CRTAC1: variants seen among roughly 807,000 people sequenced by gnomAD.
CRTAC1 encodes cartilage acidic protein 1.
CRTAC1 carries 37 observed loss-of-function variants against 67.8 expected under a neutral mutation model. That is an observed-to-expected ratio of 0.55 (90% CI 0.42 to 0.72). The LOEUF (loss-of-function observed/expected upper bound fraction) is 0.72. CRTAC1 is among the 30% of genes least tolerant of loss of function. The pLI is 0.00. For synonymous variants in CRTAC1, 348 were observed against 371.0 expected (o/e 0.94, Z 0.71); for missense variants, 780 against 931.6 (o/e 0.84, Z 2.12).
chr10:97,947,835 T>C (rs923351802), intron 2 of CRTAC1, among the ~76,000 whole-genome samples: 4 of 152,138 alleles, frequency 2.6e-5, no homozygotes, highest in African/African-American at 9.7e-5. Context: ...GGAGGATCGC[T>C]TGAGACTAGG....
At chr10:97,970,774 G>A (rs891097168) in intron 2 of CRTAC1, among the ~76,000 whole-genome samples, 2 of 152,206 alleles carry the variant, frequency 1.3e-5, no homozygotes, top group Non-Finnish European at 2.9e-5. Flanking sequence ...TTTGTCTGAT[G>A]GTTTGCAGCA....
At chr10:97,897,050 G>A in intron 8 of CRTAC1, 59 bp from the exon 9 acceptor site, 1 of 1,273,346 alleles carries the variant, frequency 7.9e-7, no homozygotes, top group Non-Finnish European at 1.1e-6. Context: ...GGACCAGAAG[G>A]CCCACCTGCT....
At chr10:97,871,726 T>C (rs2050095131) in intron 14 of CRTAC1, 1 of 152,086 alleles carries the variant, frequency 6.6e-6, no homozygotes, top group African/African-American at 2.4e-5. Context: ...TGACTCCAGA[T>C]CCCACTCTCA....
intron 2 of CRTAC1, among the ~76,000 whole-genome samples, chr10:97,958,377 T>G (rs1411555926): frequency 1.3e-5 from 2 of 152,212 alleles, no homozygotes; most frequent in Non-Finnish European, 2.9e-5. Context: ...ATGTTAGAAA[T>G]TAGTCATCCT....
chr10:97,878,023 A>G (rs2050167041), intron 14 of CRTAC1, among the ~76,000 whole-genome samples: 1 of 152,234 alleles, frequency 6.6e-6, no homozygotes, highest in Admixed American at 6.5e-5. Context: ...TCACTATCTT[A>G]GATCCACTTT....
chr10:97,982,143 T>A (rs923674236), intron 2 of CRTAC1, among the ~76,000 whole-genome samples: 1 of 152,190 alleles, frequency 6.6e-6, no homozygotes, highest in African/African-American at 2.4e-5. Flanking sequence ...TTATCTGATT[T>A]CATAAAAGCT....
At position 97,884,437 on chromosome 10, in the gene CRTAC1, T is replaced by C. The variant is rs564352298; in HGVS notation, c.1487-86A>G. The C allele has an allele frequency of 2.8e-3, 3,497 of 1,257,632 alleles. 4 individuals are homozygous for C. Among genetic ancestry groups the C allele is most frequent in the Non-Finnish European group, 3.7e-3 (3,313 of 898,670 alleles). The allele number at this position is 1,257,632 out of a possible 1,614,324, so 77.9% of individuals were successfully genotyped here. On this transcript the variant is annotated intron_variant, in intron 11 of 14. Coordinates refer to ENST00000370597, the MANE Select transcript of CRTAC1 (RefSeq NM_018058.7). The stretch of plus-strand genomic sequence containing the variant: ...CATCAGCATCAACTAATTCATCCAT[T>C]GAATAAAAGCATGAATTGAGCACTG...
intron 2 of CRTAC1, among the ~76,000 whole-genome samples, chr10:97,938,253 C>G (rs2051120696): frequency 6.6e-6 from 1 of 152,178 alleles, no homozygotes; most frequent in Admixed American, 6.5e-5. Context: ...GGTTCCAGCA[C>G]TGTCAGCAGC....
intron 1 of CRTAC1, among the ~76,000 whole-genome samples, chr10:98,024,081 A>C (rs2136708352): frequency 6.6e-6 from 1 of 152,338 alleles, no homozygotes; most frequent in Non-Finnish European, 1.5e-5. Context: ...GGAATGCCAA[A>C]GCAGGAATCT....
intron 2 of CRTAC1, among the ~76,000 whole-genome samples, chr10:97,941,683 A>G (rs1485953942): frequency 1.3e-5 from 2 of 152,076 alleles, no homozygotes; most frequent in Non-Finnish European, 2.9e-5. Flanking sequence ...ACCTCCAAAA[A>G]TGTTTCACAA....
rs746292391 is a variant in CRTAC1 at position 97,884,316 on chromosome 10, G to T, written c.1522C>A (p.Pro508Thr). 2 of 1,552,374 alleles carry T rather than the reference G, an allele frequency of 1.3e-6. No homozygotes were observed. Among genetic ancestry groups the T allele is most frequent in the Middle Eastern group, 1.8e-4 (1 of 5,532 alleles). The change falls in exon 12 of 15, where the codon CCA (proline) becomes ACA (threonine). Residue 508 changes from proline to threonine, a missense_variant. Physicochemically the swap from Pro to Thr is conservative, Grantham distance 38. Coordinates refer to ENST00000370597, the MANE Select transcript of CRTAC1 (RefSeq NM_018058.7). ...DEASSVEVTW[P>T]DGKMVSRNVA... ...TTCCGGCTCACCATCTTGCCATCTGGCCACGTCACCTCCACACTGCTGGCT... is the reference window on the plus strand; with the variant it reads ...TTCCGGCTCACCATCTTGCCATCTGTCCACGTCACCTCCACACTGCTGGCT...
intron 2 of CRTAC1, among the ~76,000 whole-genome samples, chr10:97,960,440 G>C (rs1212266399): frequency 6.6e-6 from 1 of 152,218 alleles, no homozygotes; most frequent in Non-Finnish European, 1.5e-5. Context: ...ATGCATGTGT[G>C]TATATATAGC....
At chr10:97,875,297 G>A (rs967762260) in intron 14 of CRTAC1, among the ~76,000 whole-genome samples, 8 of 152,328 alleles carry the variant, frequency 5.3e-5, no homozygotes, top group African/African-American at 1.9e-4. Flanking sequence ...TATTCATGGA[G>A]ACATGGATGT....
chr10:97,997,925 T>C (rs1463547051), intron 2 of CRTAC1, among the ~76,000 whole-genome samples: 1 of 152,120 alleles, frequency 6.6e-6, no homozygotes, highest in Non-Finnish European at 1.5e-5. Flanking sequence ...AAACCTCACA[T>C]GTCTGAGTAG....
chr10:97,980,666 A>G (rs1428179723), intron 2 of CRTAC1, among the ~76,000 whole-genome samples: 1 of 152,214 alleles, frequency 6.6e-6, no homozygotes, highest in Non-Finnish European at 1.5e-5. Flanking sequence ...TTTAATTTCC[A>G]TCACACTGAC....
intron 11 of CRTAC1, among the ~76,000 whole-genome samples, chr10:97,891,370 C>G (rs752588047): frequency 7.9e-5 from 12 of 152,276 alleles, no homozygotes; most frequent in Admixed American, 2.6e-4. Context: ...GCCAGCCCAA[C>G]TCCTAGAATG....
In CRTAC1 at chr10:97,880,459, T is replaced by A. The variant is rs1051548268; in HGVS notation, c.1676-67A>T. The A allele has an allele frequency of 1.9e-6, 3 of 1,584,738 alleles. No individual in the cohort carries two copies. In the Admixed American group the frequency reaches 5.0e-5, roughly 27 times the overall value. ...AGCAAGTACCAGCCCAGGCTCTGCC[T>A]GCCTATACACTGTCTGGCTTTGGGA... On this transcript the variant is annotated intron_variant, in intron 13 of 14. Coordinates refer to ENST00000370597, the MANE Select transcript of CRTAC1 (RefSeq NM_018058.7).
chr10:98,001,007 C>T (rs992133507), intron 2 of CRTAC1, among the ~76,000 whole-genome samples: 1 of 152,118 alleles, frequency 6.6e-6, no homozygotes, highest in African/African-American at 2.4e-5. Flanking sequence ...ATAAACCTGG[C>T]AAATACTAAC....
At chr10:97,884,013 A>T (rs2050247953) in intron 12 of CRTAC1, among the ~76,000 whole-genome samples, 193 bp downstream of exon 12, 1 of 152,210 alleles carries the variant, frequency 6.6e-6, no homozygotes, top group South Asian at 2.1e-4. Flanking sequence ...ATTCTTTGAG[A>T]AGCAGAAGAG....
Sources: allele counts gnomAD v4.1 joint callset (sites outside exome capture counted in the v4.1 genomes callset), GRCh38; gene constraint gnomAD v4.1.1; transcripts MANE v1.5; gene names NCBI Gene and HGNC (gene_info 2026-07-23, HGNC 2026-07-21).